BRAP: variants seen among roughly 807,000 people sequenced by gnomAD.
BRAP encodes BRCA1 associated protein, also known as BRCA1-associated protein.
In BRAP, 42 loss-of-function variants were observed where a neutral mutation model predicts 73.4. The observed-to-expected ratio is 0.57, with a 90% confidence interval of 0.45 to 0.74. The LOEUF is 0.74. Ranked by LOEUF, BRAP falls within the 30% of genes least tolerant of loss-of-function variation. BRAP has a pLI of 0.00. For synonymous variants in BRAP, 255 were observed against 267.4 expected (o/e 0.95, Z 0.45); for missense variants, 593 against 751.4 (o/e 0.79, Z 2.46).
In BRAP at chr12:111,683,146, C is replaced by T; in HGVS notation, c.244G>A (p.Asp82Asn). 1 of 1,612,206 alleles carries T rather than the reference C, an allele frequency of 6.2e-7. No individual in the cohort carries two copies. The highest frequency in any genetic ancestry group is 8.5e-7 in the Non-Finnish European group (1 of 1,179,384). Residue 82 changes from aspartate to asparagine, a missense_variant and splice_region_variant, in exon 2 of 12, where the codon GAT becomes AAT. Physicochemically the swap from Asp to Asn is conservative, Grantham distance 23. Coordinates refer to ENST00000419234, the MANE Select transcript of BRAP (RefSeq NM_006768.5). Reference protein sequence around the residue: ...VIIETMKSNPDELKTTVEERK... With the variant: ...VIIETMKSNPNELKTTVEERK... ...GAGTCCAGGGTTTTAGAAAGCATAC[C>T]TGGGTTGGACTTCATGGTCTCAATG... is the stretch of plus-strand genomic sequence containing the variant.
intron 3 of BRAP, among the ~76,000 whole-genome samples, chr12:111,680,201 G>A (rs913125853): frequency 7.3e-5 from 11 of 151,420 alleles, no homozygotes; most frequent in African/African-American, 2.2e-4. Context: ...GTGATCCCCC[G>A]CCTCGGCCTC....
chr12:111,651,466 G>C (rs1354123103), intron 10 of BRAP, among the ~76,000 whole-genome samples: 2 of 151,500 alleles, frequency 1.3e-5, no homozygotes, highest in African/African-American at 4.8e-5. Context: ...GAACCAGGGA[G>C]GTGGAGATTG....
At chr12:111,680,701 CAAAACAAAAA>C (rs1887567465) in intron 3 of BRAP, among the ~76,000 whole-genome samples, 1 of 62,192 alleles carries the variant, frequency 1.6e-5, no homozygotes, top group African/African-American at 2.9e-4. Context: ...CAAAAAAAAA[CAAAACAAAAA>C]ACAAAACAAA....
At chr12:111,682,359 G>A (rs2135931953) in intron 2 of BRAP, among the ~76,000 whole-genome samples, 1 of 152,152 alleles carries the variant, frequency 6.6e-6, no homozygotes, top group East Asian at 1.9e-4. Flanking sequence ...TTAGCTGGGT[G>A]TAGTAGCGTG....
intron 10 of BRAP, among the ~76,000 whole-genome samples, chr12:111,653,585 G>A (rs1221965392): frequency 6.6e-6 from 1 of 152,106 alleles, no homozygotes. Flanking sequence ...TAAGGCACTG[G>A]GGGAAAGAAA....
At chr12:111,666,859 G>C (rs563667247) in intron 5 of BRAP, among the ~76,000 whole-genome samples, 76 of 152,310 alleles carry the variant, frequency 5.0e-4, no homozygotes, top group Middle Eastern at 6.8e-3. Flanking sequence ...TTTAAGAAAG[G>C]AATCTCTAAA....
At chr12:111,672,958 T>A in intron 4 of BRAP, 184 bp from the exon 5 acceptor site, 2 of 538,070 alleles carry the variant, frequency 3.7e-6, no homozygotes, top group Non-Finnish European at 6.6e-6. Flanking sequence ...ACTCTGTAAG[T>A]CAATATTCCA....
At chr12:111,644,953 C>T (rs929809695) in intron 11 of BRAP, among the ~76,000 whole-genome samples, 4 of 151,816 alleles carry the variant, frequency 2.6e-5, no homozygotes, top group African/African-American at 4.8e-5. Flanking sequence ...TATTGGGGTT[C>T]GGCATGTTGG....
chr12:111,665,704 G>A lies in BRAP; in HGVS notation c.831C>T (p.Gly277=). The A allele has an allele frequency of 6.2e-7, 1 of 1,614,230 alleles. No individual in the cohort carries two copies. Residue 277 remains glycine (G), a synonymous_variant, in exon 6 of 12, where the codon GGC becomes GGT. Transcript: ENST00000419234. The surrounding 1 kb of genome is among the most constrained non-coding windows in gnomAD (Gnocchi z 4.3). ...CLERMDESVN[G]ILTTLCNHSF... Reference sequence around the variant, plus strand: ...TGTGGTTACATAACGTTGTGAGGATGCCATTCACAGACTCGTCCATGCGCT... The same window carrying A: ...TGTGGTTACATAACGTTGTGAGGATACCATTCACAGACTCGTCCATGCGCT...
chr12:111,649,986 C>T lies in BRAP; in HGVS notation c.1368G>A (p.Glu456=), dbSNP rs752038038. The T allele has an allele frequency of 2.0e-5, 32 of 1,612,228 alleles. No individual in the cohort carries two copies. Among genetic ancestry groups the T allele is most frequent in the Non-Finnish European group, 2.4e-5 (28 of 1,178,780 alleles). The change falls in exon 11 of 12, where the codon GAG becomes GAA. Residue 456 remains glutamate (E), a synonymous_variant. Transcript: ENST00000419234. ...KETIEKCDNL[E]HKLNDLLKEK... is the part of the protein sequence containing the mutation. ...CTTTTAGGAGATCATTTAGTTTGTG[C>T]TCTAGATTATCACACTTCTCAATTG...
chr12:111,676,679 G>A (rs1887393793), intron 4 of BRAP, among the ~76,000 whole-genome samples: 1 of 152,290 alleles, frequency 6.6e-6, no homozygotes, highest in Middle Eastern at 3.4e-3. Flanking sequence ...CTCTCCCAAA[G>A]TGCTGGGATT....
chr12:111,643,443 G>C lies in BRAP; in HGVS notation c.*756C>G, dbSNP rs551282821. The C allele has an allele frequency of 6.6e-6, 1 of 152,152 alleles. No individual in the cohort carries two copies. Among genetic ancestry groups the C allele is most frequent in the African/African-American group, 2.4e-5 (1 of 41,444 alleles). 9.4% of individuals were successfully genotyped at this position (152,152 alleles called of 1,614,324 possible). A position where few individuals can be genotyped will look rare whatever the true frequency, so the allele number is the denominator to read the frequency against. Reference sequence around the variant, plus strand: ...GATACCCACTCTGAGATTTGAGTTTGGGAACAGCCATTAAGCCTCCTCCTT... The same window carrying C: ...GATACCCACTCTGAGATTTGAGTTTCGGAACAGCCATTAAGCCTCCTCCTT... On this transcript the variant is annotated 3_prime_UTR_variant, in exon 12 of 12. Transcript: ENST00000419234.
At chr12:111,651,640 T>TC (rs969957051) in intron 10 of BRAP, among the ~76,000 whole-genome samples, 1 of 147,882 alleles carries the variant, frequency 6.8e-6, no homozygotes, top group African/African-American at 2.5e-5. Flanking sequence ...CTTTTCTTTT[T>TC]TTTTTTTTTT....
intron 11 of BRAP, among the ~76,000 whole-genome samples, chr12:111,649,233 G>T (rs1237950875): frequency 6.6e-6 from 1 of 152,146 alleles, no homozygotes; most frequent in Admixed American, 6.6e-5. Context: ...GCTCACTGCA[G>T]CTTCTGCCTC....
intron 1 of BRAP, 141 bp downstream of exon 1, chr12:111,685,570 G>A (rs939953693): frequency 7.3e-7 from 1 of 1,367,756 alleles, no homozygotes; most frequent in East Asian, 2.9e-5. Flanking sequence ...GGATGGGAAA[G>A]AGAGGGATCC....
intron 4 of BRAP, 53 bp downstream of exon 4, chr12:111,679,098 A>T (rs2135928700): frequency 7.7e-7 from 1 of 1,298,538 alleles, no homozygotes; most frequent in Middle Eastern, 2.4e-4. Context: ...ATACAGTTTG[A>T]ATACCACAGT....
intron 5 of BRAP, among the ~76,000 whole-genome samples, chr12:111,666,316 G>A (rs1296475577): frequency 2.6e-5 from 4 of 152,274 alleles, no homozygotes; most frequent in Admixed American, 6.5e-5. Context: ...AAGTGTCTAC[G>A]ACTATAATAG....
chr12:111,665,625 G>A lies in BRAP; in HGVS notation c.896+14C>T, dbSNP rs771852730. 6.2e-7 allele frequency: 1 copy of A among 1,614,068 alleles called. No individual in the cohort carries two copies. Among genetic ancestry groups the A allele is most frequent in the Non-Finnish European group, 8.5e-7 (1 of 1,179,980 alleles). On this transcript the variant is annotated intron_variant, in intron 6 of 11. Coordinates refer to ENST00000419234, the MANE Select transcript of BRAP (RefSeq NM_006768.5). This position sits in a 1 kb window ranked among gnomAD's most constrained non-coding sequence, Gnocchi z 4.3. Reference sequence around the variant, plus strand: ...ATGGGCTTGTACACAGAGGGGTTCGGCCCCTGCACTCACGTGGTATCGTCC... The same window carrying A: ...ATGGGCTTGTACACAGAGGGGTTCGACCCCTGCACTCACGTGGTATCGTCC...
At chr12:111,659,092 G>A in intron 8 of BRAP, 115 bp downstream of exon 8, 1 of 1,332,722 alleles carries the variant, frequency 7.5e-7, no homozygotes. Flanking sequence ...GAGAATTTGG[G>A]TTTGCAACAG....
Sources: gnomAD v4.1 joint callset for allele counts (sites outside exome capture counted in the v4.1 genomes callset) on GRCh38, gnomAD v4.1.1 for gene constraint, Gnocchi (gnomAD v3.1) non-coding constraint, MANE v1.5 for transcripts, NCBI Gene and HGNC (gene_info 2026-07-23, HGNC 2026-07-21) for gene names.